Variants in SPINK8 observed in about 807,000 individuals in gnomAD.
SPINK8 encodes the protein serine peptidase inhibitor Kazal type 8 (putative), also known as serine protease inhibitor Kazal-type 8.
A neutral mutation model predicts 14.4 loss-of-function variants in SPINK8; 12 were observed. The ratio of observed to expected loss-of-function variants is 0.83; its 90% CI spans 0.53 to 1.35. SPINK8 has a LOEUF of 1.35. Ranked by LOEUF, SPINK8 falls within the 40% of genes most tolerant of loss-of-function variation. SPINK8 has a pLI of 0.00. For missense variants in SPINK8, 103 were observed against 117.0 expected, an observed-to-expected ratio of 0.88 and a Z score of 0.55; for synonymous variants, 32 against 37.6, an observed-to-expected ratio of 0.85 and a Z score of 0.55.
At chr3:48,316,844 A>G (rs113598815) in intron 6 of SPINK8, among the ~76,000 whole-genome samples, 5 of 152,310 alleles carry the variant, frequency 3.3e-5, no homozygotes, top group African/African-American at 1.2e-4. Context: ...TATGCCCACC[A>G]AACTATTCTT....
intron 6 of SPINK8, among the ~76,000 whole-genome samples, chr3:48,314,815 G>C (rs1340628625): frequency 2.6e-5 from 4 of 152,312 alleles, no homozygotes; most frequent in African/African-American, 9.6e-5. Context: ...ATGTCCATAG[G>C]AGGTTTTGAA....
intron 1 of SPINK8, among the ~76,000 whole-genome samples, 156 bp downstream of exon 1, chr3:48,333,379 G>A (rs557356320): frequency 2.2e-4 from 34 of 152,162 alleles, no homozygotes; most frequent in African/African-American, 8.0e-4. Flanking sequence ...TGCCTGGGAG[G>A]GGGGAACGTT....
In SPINK8 at chr3:48,321,025, T is replaced by TC. The variant is rs766058614; in HGVS notation, c.116_117insG (p.Ile39MetfsTer3). 13 of 1,589,262 alleles carry TC rather than the reference T, an allele frequency of 8.2e-6. No individual in the cohort carries two copies. Among genetic ancestry groups the TC allele is most frequent in the Non-Finnish European group, 1.1e-5 (13 of 1,166,706 alleles). The stretch of plus-strand genomic sequence containing the variant: ...TAGGAACCAAGGAAGCAGTACTCAC[T>TC]ATTGTTTTGTCTAGCTGACCTCTTT... On this transcript the variant is annotated frameshift_variant and splice_region_variant, in exon 5 of 8. Transcript: ENST00000434006. LOFTEE classifies it high-confidence loss of function.
At chr3:48,311,802 A>G (rs115979122) in intron 6 of SPINK8, among the ~76,000 whole-genome samples, 4,309 of 152,314 alleles carry the variant, frequency 0.028, 89 homozygotes, top group Middle Eastern at 0.048. Flanking sequence ...TAAGATGACA[A>G]TACTTCCCAA....
chr3:48,331,722 A>C (rs2036264518), intron 2 of SPINK8, among the ~76,000 whole-genome samples: 1 of 152,200 alleles, frequency 6.6e-6, no homozygotes, highest in Non-Finnish European at 1.5e-5. Context: ...GGTATGTGAA[A>C]ATGGTAAAGT....
At chr3:48,313,191 GTAAAAGGCAACC>G (rs1226680029) in intron 6 of SPINK8, among the ~76,000 whole-genome samples, 1 of 152,136 alleles carries the variant, frequency 6.6e-6, no homozygotes, top group East Asian at 1.9e-4. Flanking sequence ...TATCATGAAA[GTAAAAGGCAACC>G]TATAGAATCG....
At chr3:48,309,453 A>T (rs1210149895) in intron 7 of SPINK8, among the ~76,000 whole-genome samples, 1 of 152,346 alleles carries the variant, frequency 6.6e-6, no homozygotes, top group South Asian at 2.1e-4. Flanking sequence ...GGTGAAATAG[A>T]TGTTCTTTAA....
At chr3:48,307,067 C>G in intron 7 of SPINK8, 64 bp from the exon 8 acceptor site, 1 of 1,489,480 alleles carries the variant, frequency 6.7e-7, no homozygotes, top group Non-Finnish European at 9.3e-7. Context: ...AGCCACCACA[C>G]TGGTAAACAC....
At position 48,315,720 on chromosome 3, in the gene SPINK8, C is replaced by CAAAAAAAAAAAAAAAAAAAAA. The variant is rs66504818; in HGVS notation, c.239+3756_239+3776dup. On this transcript the variant is annotated intron_variant, in intron 6 of 7. Coordinates refer to ENST00000434006, the MANE Select transcript of SPINK8 (RefSeq NM_001080525.3). ...TGGGTAACAGAGTAAGACTCCATCT[C>CAAAAAAAAAAAAAAAAAAAAA]AAAAAAAAAAAAAAAAAAAAAAAAG... Among the ~76,000 whole-genome samples the CAAAAAAAAAAAAAAAAAAAAA allele has an allele frequency of 4.6e-4, 10 of 21,922 alleles. 1 individual carries two copies. The highest frequency in any genetic ancestry group is 6.8e-4 in the Non-Finnish European group (7 of 10,270). 14.4% of individuals were successfully genotyped at this position (21,922 alleles called of 152,430 possible).
In SPINK8 at chr3:48,321,125, C is replaced by T. The variant is rs1188143091; in HGVS notation, c.68-51G>A. ...AAGTTGCTTCTCTGTCTTCTGCCCT[C>T]AGCGAAAAAGGTAAGATGAGGGGAA... On this transcript the variant is annotated intron_variant, in intron 4 of 7. Transcript: ENST00000434006. 5 of 1,534,248 alleles carry T rather than the reference C, an allele frequency of 3.3e-6. No homozygotes were observed. In the South Asian group the frequency reaches 4.9e-5, roughly 15 times the overall value.
chr3:48,320,475 G>C (rs763710982), intron 5 of SPINK8, among the ~76,000 whole-genome samples: 123 of 151,754 alleles, frequency 8.1e-4, no homozygotes, highest in Non-Finnish European at 1.7e-3. Context: ...TTGAACCCAG[G>C]AGGCAGAGGT....
intron 2 of SPINK8, among the ~76,000 whole-genome samples, chr3:48,330,585 G>A (rs1379743908): frequency 1.3e-5 from 2 of 152,072 alleles, no homozygotes; most frequent in African/African-American, 2.4e-5. Flanking sequence ...GAGACCCAAA[G>A]GGGGTTGCCA....
chr3:48,321,182 C>A, intron 4 of SPINK8, 108 bp from the exon 5 acceptor site: 1 of 1,077,086 alleles, frequency 9.3e-7, no homozygotes, highest in South Asian at 1.7e-5. Context: ...CATCAAACCC[C>A]ATCAGAAGAG....
At chr3:48,314,675 C>T (rs1485642652) in intron 6 of SPINK8, among the ~76,000 whole-genome samples, 1 of 152,130 alleles carries the variant, frequency 6.6e-6, no homozygotes, top group Non-Finnish European at 1.5e-5. Context: ...GTGCAAACAG[C>T]CTTTTCCCTG....
chr3:48,307,278 C>G (rs2035861340), intron 7 of SPINK8, among the ~76,000 whole-genome samples: 1 of 152,096 alleles, frequency 6.6e-6, no homozygotes, highest in African/African-American at 2.4e-5. Flanking sequence ...GTGGAGTTGA[C>G]ATGAAGCAGG....
In SPINK8 at chr3:48,319,689, T is replaced by A. The variant is rs571782433; in HGVS notation, c.118-71A>T. ...TCCTTTGGCCGTTATTATGTATAGC[T>A]TGGGAGGTGGATGGAATACGAGCAC... is the stretch of plus-strand genomic sequence containing the variant. On this transcript the variant is annotated intron_variant, in intron 5 of 7. Transcript: ENST00000434006. 3.8e-4 allele frequency: 601 copies of A among 1,594,298 alleles called. 1 individual carries two copies. The highest frequency in any genetic ancestry group is 1.0e-3 in the Middle Eastern group (6 of 5,992).
chr3:48,308,658 T>A (rs1170638375), intron 7 of SPINK8, among the ~76,000 whole-genome samples: 1 of 152,212 alleles, frequency 6.6e-6, no homozygotes, highest in Non-Finnish European at 1.5e-5. Flanking sequence ...TTTATACTGA[T>A]GTGATATCTT....
At chr3:48,329,296 CT>C (rs1427427388) in intron 2 of SPINK8, among the ~76,000 whole-genome samples, 22 bp from the exon 3 acceptor site, 4 of 152,180 alleles carry the variant, frequency 2.6e-5, no homozygotes, top group African/African-American at 9.7e-5. Context: ...AGAGAGTGAG[CT>C]TTGAAATTAG....
At chr3:48,318,971 C>T (rs559982406) in intron 6 of SPINK8, among the ~76,000 whole-genome samples, 3 of 152,270 alleles carry the variant, frequency 2.0e-5, no homozygotes, top group South Asian at 2.1e-4. Context: ...AACAATTGGG[C>T]GTTTCACTTG....
Sources: gnomAD v4.1 joint callset for allele counts (sites outside exome capture counted in the v4.1 genomes callset) on GRCh38, gnomAD v4.1.1 for gene constraint, MANE v1.5 for transcripts, NCBI Gene and HGNC (gene_info 2026-07-23, HGNC 2026-07-21) for gene names.